The following NEBL variants were observed in gnomAD, a reference collection of about 807,000 sequenced individuals.
NEBL encodes the protein LIM and SH3 protein 2.
A neutral mutation model predicts 140.2 loss-of-function variants in NEBL; 122 were observed. The observed-to-expected ratio is 0.87, with a 90% CI of 0.75 to 1.01. The LOEUF is 1.01. Ranked by LOEUF, NEBL falls within the 50% of genes least tolerant of loss-of-function variation. The pLI, the probability that NEBL is intolerant of heterozygous loss-of-function variation, is 0.00. For synonymous variants in NEBL, 436 were observed against 398.9 expected, an observed-to-expected ratio of 1.09 and a Z score of -1.11; for missense variants, 1,365 against 1,231.3, an observed-to-expected ratio of 1.11 and a Z score of -1.62.
intron 2 of NEBL, among the ~76,000 whole-genome samples, chr10:21,119,832 T>C (rs1339834738): frequency 6.6e-6 from 1 of 152,144 alleles, no homozygotes; most frequent in African/African-American, 2.4e-5. Context: ...CAGGATGGGA[T>C]CCAGGATCAC....
Position 21,056,475 on chromosome 10 carries a change from G to T in NEBL, c.165-36274C>A, listed in dbSNP as rs991377956. Reference sequence around the variant, plus strand: ...AGCAGTAGGAAAAGGTTTTGGAGAAGGAATCAGTATATGTAGCCAGTGGGA... The same window carrying T: ...AGCAGTAGGAAAAGGTTTTGGAGAATGAATCAGTATATGTAGCCAGTGGGA... On this transcript the variant is annotated intron_variant, in intron 2 of 6. Transcript: ENST00000417816. Among the ~76,000 whole-genome samples the T allele has an allele frequency of 6.6e-5, 10 of 152,162 alleles. No individual in the cohort carries two copies. In the East Asian group the frequency reaches 1.9e-3, roughly 29 times the overall value.
chr10:21,152,449 A>G (rs1840179637), intron 2 of NEBL, among the ~76,000 whole-genome samples: 1 of 152,190 alleles, frequency 6.6e-6, no homozygotes, highest in Admixed American at 6.5e-5. Context: ...AACATTGACA[A>G]ACCTCAGCAT....
intron 1 of NEBL, among the ~76,000 whole-genome samples, chr10:21,288,824 A>G (rs373284987): frequency 0.19 from 14,464 of 74,956 alleles, 1,757 homozygotes; most frequent in African/African-American, 0.23. Flanking sequence ...GTGTGTGTAT[A>G]TATATATATA....
At chr10:21,194,830 C>A (rs887264478) in intron 3 of NEBL, among the ~76,000 whole-genome samples, 3 of 151,654 alleles carry the variant, frequency 2.0e-5, no homozygotes, top group African/African-American at 4.8e-5. Flanking sequence ...CACCCCCTGC[C>A]GCAAAAAAAT....
At chr10:21,147,662 G>A (rs1260708774) in intron 2 of NEBL, among the ~76,000 whole-genome samples, 1 of 152,180 alleles carries the variant, frequency 6.6e-6, no homozygotes, top group Non-Finnish European at 1.5e-5. Context: ...CCCTGAGTAA[G>A]AAGAATCCGC....
At chr10:21,070,088 G>A (rs1835747690) in intron 2 of NEBL, 12 of 427,672 alleles carry the variant, frequency 2.8e-5, no homozygotes, top group South Asian at 2.0e-4. Context: ...GAATAATACT[G>A]TATCCACTAG....
chr10:21,167,551 G>A lies in NEBL; in HGVS notation c.164+4832C>T, dbSNP rs574579381. ...TTGGTGAGAACACATTAGCTGGTCA[G>A]TCTTGGCAATGCTACTTCTAAGTGG... On this transcript the variant is annotated intron_variant, in intron 2 of 6. Transcript: ENST00000417816. Among the ~76,000 whole-genome samples the A allele has an allele frequency of 2.6e-5, 4 of 152,328 alleles. No homozygotes were observed. The East Asian group carries it at 7.7e-4, about 29-fold the overall frequency.
At chr10:21,043,667 A>T (rs1325246737) in intron 2 of NEBL, among the ~76,000 whole-genome samples, 1 of 152,186 alleles carries the variant, frequency 6.6e-6, no homozygotes, top group Admixed American at 6.5e-5. Flanking sequence ...CTAGTGAGAG[A>T]GTTGCACACG....
In NEBL at chr10:20,819,417, G is replaced by C. The variant is rs368793318; in HGVS notation, c.2055+7C>G. Reference sequence around the variant, plus strand: ...AGAAAATATAAAAGGAAACAGAAACGACTTGCCGCACTCAGCTGCTCCTGG... The same window carrying C: ...AGAAAATATAAAAGGAAACAGAAACCACTTGCCGCACTCAGCTGCTCCTGG... On this transcript the variant is annotated splice_region_variant and intron_variant, in intron 20 of 27. Coordinates refer to ENST00000377122, the MANE Select transcript of NEBL (RefSeq NM_006393.3). 1.2e-6 allele frequency: 2 copies of C among 1,613,892 alleles called. No individual in the cohort carries two copies. The highest frequency in any genetic ancestry group is 1.3e-5 in the African/African-American group (1 of 75,002).
chr10:20,962,670 A>G (rs1394100017), intron 3 of NEBL, among the ~76,000 whole-genome samples: 2 of 152,224 alleles, frequency 1.3e-5, no homozygotes, highest in Non-Finnish European at 2.9e-5. Context: ...AGATGGTTAC[A>G]TCACTTTGTT....
chr10:20,837,164 A>G (rs1374861076), intron 13 of NEBL, among the ~76,000 whole-genome samples: 1 of 152,200 alleles, frequency 6.6e-6, no homozygotes, highest in African/African-American at 2.4e-5. Flanking sequence ...AGGATGTCAA[A>G]AGCCAACACA....
intron 2 of NEBL, among the ~76,000 whole-genome samples, chr10:21,054,240 G>A (rs898292679): frequency 5.3e-5 from 8 of 151,950 alleles, no homozygotes; most frequent in Non-Finnish European, 1.2e-4. Context: ...TCTTTTTTTG[G>A]TGTTTTCTGT....
chr10:20,911,557 A>G (rs1848333298), intron 4 of NEBL, among the ~76,000 whole-genome samples: 1 of 152,244 alleles, frequency 6.6e-6, no homozygotes, highest in African/African-American at 2.4e-5. Context: ...CTGTTATAAA[A>G]CCATAGTCTT....
intron 4 of NEBL, among the ~76,000 whole-genome samples, chr10:20,944,921 G>A (rs1295126325): frequency 6.6e-6 from 1 of 152,098 alleles, no homozygotes; most frequent in Admixed American, 6.5e-5. Context: ...GATCCCATAT[G>A]ACAATTAGAG....
At chr10:20,992,221 T>C (rs1048710067) in intron 3 of NEBL, among the ~76,000 whole-genome samples, 2 of 152,262 alleles carry the variant, frequency 1.3e-5, no homozygotes, top group African/African-American at 4.8e-5. Context: ...CAGATGTATA[T>C]GAACATTTTT....
intron 1 of NEBL, among the ~76,000 whole-genome samples, chr10:21,253,186 G>T (rs752029065): frequency 2.0e-5 from 3 of 152,150 alleles, no homozygotes; most frequent in Non-Finnish European, 2.9e-5. Flanking sequence ...TGAGAGAATC[G>T]CTTGAACGAG....
intron 4 of NEBL, among the ~76,000 whole-genome samples, chr10:20,929,946 G>C (rs1834103168): frequency 6.6e-6 from 1 of 152,088 alleles, no homozygotes; most frequent in Admixed American, 6.6e-5. Flanking sequence ...ATTGAGGTTA[G>C]AGAGCTTCAG....
chr10:21,162,907 C>T (rs1460694077), intron 2 of NEBL, among the ~76,000 whole-genome samples: 7 of 152,224 alleles, frequency 4.6e-5, no homozygotes, highest in Non-Finnish European at 8.8e-5. Context: ...GGTCAAATCA[C>T]TGTGTCTAGT....
At chr10:20,969,343 A>G (rs1836463583) in intron 3 of NEBL, among the ~76,000 whole-genome samples, 1 of 151,876 alleles carries the variant, frequency 6.6e-6, no homozygotes, top group Non-Finnish European at 1.5e-5. Flanking sequence ...AATCATGTCC[A>G]TAGATTTCTA....
Sources: gnomAD v4.1 joint callset for allele counts (sites outside exome capture counted in the v4.1 genomes callset) on GRCh38, gnomAD v4.1.1 for gene constraint, MANE v1.5 for transcripts, NCBI Gene and HGNC (gene_info 2026-07-23, HGNC 2026-07-21) for gene names.